Variants in ADGRB3 observed in about 807,000 individuals in gnomAD.
The protein encoded by ADGRB3 is brain-specific angiogenesis inhibitor 3.
A neutral mutation model predicts 193.4 loss-of-function variants in ADGRB3; 37 were observed. The ratio of observed to expected loss-of-function variants is 0.19; its 90% CI spans 0.15 to 0.25. ADGRB3 has a LOEUF of 0.25. Among genes scored for constraint, ADGRB3 ranks in the 10% least tolerant of loss-of-function variants. The probability of loss-of-function intolerance (pLI) is 1.00; values close to 1 mark genes in which losing one functional copy is unlikely to be tolerated. For missense variants in ADGRB3, 1,637 were observed against 1,852.9 expected (o/e 0.88, Z 2.14); for synonymous variants, 690 against 644.2 (o/e 1.07, Z -1.08).
chr6:68,713,628 C>T (rs921601582), intron 3 of ADGRB3, among the ~76,000 whole-genome samples: 1 of 151,296 alleles, frequency 6.6e-6, no homozygotes, highest in Non-Finnish European at 1.5e-5. Flanking sequence ...TCCAGTGGTA[C>T]CTTTCTTGTT....
At chr6:69,064,234 C>T (rs762302095) in intron 16 of ADGRB3, among the ~76,000 whole-genome samples, 10 of 151,840 alleles carry the variant, frequency 6.6e-5, no homozygotes, top group Non-Finnish European at 1.3e-4. Flanking sequence ...TTTCAAATCT[C>T]TCTGCAATAA....
chr6:68,951,471 A>G (rs1464084606), intron 6 of ADGRB3, among the ~76,000 whole-genome samples: 1 of 152,006 alleles, frequency 6.6e-6, no homozygotes, highest in African/African-American at 2.4e-5. Context: ...TGCCCCCACT[A>G]CAGCCCCCAG....
chr6:68,905,642 T>A (rs948088897), intron 3 of ADGRB3, among the ~76,000 whole-genome samples: 4 of 152,130 alleles, frequency 2.6e-5, no homozygotes, highest in Non-Finnish European at 4.4e-5. Context: ...ATGACCTCCA[T>A]CTTCAATTTT....
chr6:68,852,795 C>T (rs970871813), intron 3 of ADGRB3, among the ~76,000 whole-genome samples: 3 of 151,918 alleles, frequency 2.0e-5, no homozygotes, highest in Non-Finnish European at 4.4e-5. Flanking sequence ...GACTAGATAA[C>T]TAATTTAGTT....
intron 3 of ADGRB3, among the ~76,000 whole-genome samples, chr6:68,897,496 A>C (rs1216229859): frequency 1.2e-5 from 1 of 85,010 alleles, no homozygotes; most frequent in Non-Finnish European, 2.4e-5. Flanking sequence ...GAAGGGAGGG[A>C]GGGAAGAGGA....
intron 11 of ADGRB3, among the ~76,000 whole-genome samples, chr6:68,996,974 A>T (rs879863251): frequency 9.9e-5 from 15 of 152,184 alleles, no homozygotes; most frequent in Non-Finnish European, 1.5e-5. Context: ...GTAGAAAATG[A>T]TGAGAAAAGA....
At chr6:68,996,788 T>C (rs781641041) in intron 11 of ADGRB3, among the ~76,000 whole-genome samples, 2 of 152,162 alleles carry the variant, frequency 1.3e-5, no homozygotes. Flanking sequence ...AAAAAAGACA[T>C]GTTTCTGATC....
chr6:68,903,475 G>A (rs1766454263), intron 3 of ADGRB3, among the ~76,000 whole-genome samples: 1 of 152,054 alleles, frequency 6.6e-6, no homozygotes, highest in South Asian at 2.1e-4. Flanking sequence ...CCAGATATCA[G>A]ATGAAAACAT....
intron 17 of ADGRB3, among the ~76,000 whole-genome samples, chr6:69,210,149 C>CAT (rs58586306): frequency 0.038 from 3,022 of 78,858 alleles, 340 homozygotes; most frequent in South Asian, 0.089. Context: ...TAATATATAT[C>CAT]ATATATATAT....
chr6:68,748,533 C>A (rs1766129491), intron 3 of ADGRB3, among the ~76,000 whole-genome samples: 1 of 152,198 alleles, frequency 6.6e-6, no homozygotes, highest in Non-Finnish European at 1.5e-5. Context: ...CACACTGGTG[C>A]AAGAGGTGGG....
chr6:69,188,770 A>G (rs868196393), intron 17 of ADGRB3, among the ~76,000 whole-genome samples: 140 of 152,294 alleles, frequency 9.2e-4, no homozygotes, highest in African/African-American at 3.3e-3. Context: ...AAATTCGTTA[A>G]ATTATAACAG....
At chr6:68,936,392 C>A in intron 4 of ADGRB3, 127 bp from the exon 5 acceptor site, 1 of 993,544 alleles carries the variant, frequency 1.0e-6, no homozygotes, top group Non-Finnish European at 1.4e-6. Context: ...TTTCATGTAC[C>A]TTTTGATGTA....
At chr6:68,803,322 T>G (rs1767346137) in intron 3 of ADGRB3, among the ~76,000 whole-genome samples, 1 of 152,180 alleles carries the variant, frequency 6.6e-6, no homozygotes. Flanking sequence ...AGTTCCATAT[T>G]TTTTGCATTC....
At position 69,361,370 on chromosome 6, in the gene ADGRB3, A is replaced by T. The variant is rs751218392; in HGVS notation, c.4097A>T (p.His1366Leu). The T allele has an allele frequency of 6.2e-7, 1 of 1,613,050 alleles. No homozygotes were observed. The highest frequency in any genetic ancestry group is 1.1e-5 in the South Asian group (1 of 91,070). Residue 1366 changes from histidine to leucine, a missense_variant, in exon 29 of 32, where the codon CAT becomes CTT. Physicochemically the swap from His to Leu is moderately conservative, Grantham distance 99. Around this residue, in one of 7 missense-constraint regions of ADGRB3, gnomAD observed 368 missense variants for 367.4 expected, o/e 1.00. Transcript: ENST00000370598. The stretch of plus-strand genomic sequence containing the variant: ...CAGTTCAATATGAACTTAGAGCAAC[A>T]TCTCGCACCCCAGGAACATATGCAG... ...MDQFNMNLEQHLAPQEHMQNL... is the reference protein window; with the variant it reads ...MDQFNMNLEQLLAPQEHMQNL...
intron 3 of ADGRB3, among the ~76,000 whole-genome samples, chr6:68,787,939 C>T (rs1401809615): frequency 1.3e-5 from 2 of 152,142 alleles, no homozygotes; most frequent in Admixed American, 1.3e-4. Context: ...AGTTTATTTG[C>T]ATAGAGGTGT....
chr6:69,298,707 A>G (rs1434518203), intron 20 of ADGRB3, among the ~76,000 whole-genome samples: 1 of 152,024 alleles, frequency 6.6e-6, no homozygotes, highest in Admixed American at 6.6e-5. Flanking sequence ...GTTGCAAATG[A>G]TAGGACTTCA....
chr6:69,166,180 C>A (rs1775128659), intron 17 of ADGRB3, among the ~76,000 whole-genome samples: 1 of 152,052 alleles, frequency 6.6e-6, no homozygotes, highest in Admixed American at 6.6e-5. Context: ...GCTTTCTATG[C>A]AATCTCAATA....
At chr6:68,883,034 C>T (rs531409532) in intron 3 of ADGRB3, among the ~76,000 whole-genome samples, 1 of 152,222 alleles carries the variant, frequency 6.6e-6, no homozygotes, top group African/African-American at 2.4e-5. Flanking sequence ...GCTGGGACTA[C>T]AGGTGCCCGC....
At chr6:68,697,706 C>T (rs1272079862) in intron 3 of ADGRB3, among the ~76,000 whole-genome samples, 1 of 151,922 alleles carries the variant, frequency 6.6e-6, no homozygotes, top group African/African-American at 2.4e-5. Flanking sequence ...TTGCTTGCCA[C>T]CTGTTATTTA....
Sources: allele counts gnomAD v4.1 joint callset (sites outside exome capture counted in the v4.1 genomes callset), GRCh38; gene constraint gnomAD v4.1.1; regional missense constraint gnomAD v4.1.1; transcripts MANE v1.5; gene names NCBI Gene and HGNC (gene_info 2026-07-23, HGNC 2026-07-21).